WDR49: variants seen among roughly 807,000 people sequenced by gnomAD.
The protein encoded by WDR49 is WD repeat domain 49.
Under a neutral mutation model 119.5 loss-of-function variants are expected in WDR49, and 107 were observed. That is an observed-to-expected ratio of 0.90 (90% CI 0.77 to 1.05). The LOEUF (loss-of-function observed/expected upper bound fraction) is 1.05. Among genes scored for constraint, WDR49 ranks in the 50% least tolerant of loss-of-function variants. WDR49 has a pLI of 0.00. For missense variants in WDR49, 1,240 were observed against 1,220.5 expected (o/e 1.02, Z -0.24); for synonymous variants, 425 against 418.8 (o/e 1.01, Z -0.18).
At chr3:167,556,206 T>C (rs973816545) in intron 9 of WDR49, among the ~76,000 whole-genome samples, 12 of 152,284 alleles carry the variant, frequency 7.9e-5, no homozygotes, top group African/African-American at 2.9e-4. Context: ...CAATAAAAAA[T>C]CATGAAGAAA....
chr3:167,537,908 G>A (rs1298356740), intron 10 of WDR49, among the ~76,000 whole-genome samples: 1 of 152,030 alleles, frequency 6.6e-6, no homozygotes, highest in Non-Finnish European at 1.5e-5. Flanking sequence ...CCACTCTAAA[G>A]GTCTCTTAGT....
At chr3:167,489,260 C>A (rs772037306) in intron 18 of WDR49, among the ~76,000 whole-genome samples, 1 of 152,046 alleles carries the variant, frequency 6.6e-6, no homozygotes, top group Non-Finnish European at 1.5e-5. Flanking sequence ...TATATGAGCA[C>A]ATGAATGAAG....
intron 9 of WDR49, 122 bp downstream of exon 9, chr3:167,559,942 T>TG: frequency 1.0e-6 from 1 of 995,528 alleles, no homozygotes; most frequent in Non-Finnish European, 1.4e-6. Flanking sequence ...ACTCTTACCA[T>TG]GTCTCATTTC....
chr3:167,529,348 GCCCTGAGATCAATT>G (rs1752760568), intron 13 of WDR49, 109 bp from the exon 14 acceptor site: 2 of 955,596 alleles, frequency 2.1e-6, no homozygotes, highest in Admixed American at 6.0e-5. Context: ...GAGGTGAGTA[GCCCTGAGATCAATT>G]CCCAGCACCA....
chr3:167,640,365 T>C (rs1717823740), intron 2 of WDR49, among the ~76,000 whole-genome samples: 1 of 151,878 alleles, frequency 6.6e-6, no homozygotes, highest in Admixed American at 6.6e-5. Context: ...TCCGTTGACA[T>C]TGCCATCTGT....
rs181037714 is a variant in WDR49, at chr3:167,498,330, T to G, written c.3031+1823A>C. Among the ~76,000 whole-genome samples, 886 of 152,218 alleles carry G rather than the reference T, an allele frequency of 5.8e-3. 9 individuals carry two copies. Among genetic ancestry groups the G allele is most frequent in the Middle Eastern group, 0.027 (8 of 294 alleles). ...ATTAACAGGGAATAATATACAAATG[T>G]ATTAATGTACACATATGTATGAAAA... is the stretch of plus-strand genomic sequence containing the variant. On this transcript the variant is annotated intron_variant, in intron 18 of 18. Transcript: ENST00000682715.
chr3:167,505,875 T>A (rs1751750569), intron 16 of WDR49, among the ~76,000 whole-genome samples: 1 of 152,240 alleles, frequency 6.6e-6, no homozygotes, highest in African/African-American at 2.4e-5. Context: ...CTTTCTCATA[T>A]GAATCTATAA....
At chr3:167,540,262 T>C (rs1418007893) in intron 10 of WDR49, among the ~76,000 whole-genome samples, 2 of 152,128 alleles carry the variant, frequency 1.3e-5, no homozygotes, top group African/African-American at 4.8e-5. Flanking sequence ...TAAATATATC[T>C]ACAAGGACTC....
intron 17 of WDR49, among the ~76,000 whole-genome samples, chr3:167,503,877 A>C (rs1751673480): frequency 6.6e-6 from 1 of 152,218 alleles, no homozygotes; most frequent in South Asian, 2.1e-4. Flanking sequence ...CTGGGTTTAT[A>C]TCCCGATGCT....
chr3:167,544,956 T>C (rs1290404306), intron 10 of WDR49, among the ~76,000 whole-genome samples: 2 of 151,802 alleles, frequency 1.3e-5, no homozygotes, highest in African/African-American at 4.8e-5. Flanking sequence ...CAACAAAGAA[T>C]TAATTTCCAG....
chr3:167,608,798 T>G (rs1716185835), intron 5 of WDR49, among the ~76,000 whole-genome samples: 1 of 152,160 alleles, frequency 6.6e-6, no homozygotes, highest in South Asian at 2.1e-4. Flanking sequence ...GTTTTGGAAT[T>G]GGTAGAGGAA....
At chr3:167,514,690 T>C (rs1403112026) in intron 16 of WDR49, among the ~76,000 whole-genome samples, 1 of 145,496 alleles carries the variant, frequency 6.9e-6, no homozygotes, top group African/African-American at 2.6e-5. Context: ...TATCAACAAA[T>C]CCCTAAACTG....
chr3:167,614,100 C>A (rs528427373), intron 5 of WDR49, among the ~76,000 whole-genome samples: 1 of 152,082 alleles, frequency 6.6e-6, no homozygotes, highest in African/African-American at 2.4e-5. Context: ...TCTTGTCCCC[C>A]CTCCTGCGTC....
At chr3:167,605,727 T>A (rs190830824) in intron 5 of WDR49, among the ~76,000 whole-genome samples, 14 of 152,340 alleles carry the variant, frequency 9.2e-5, no homozygotes, top group Admixed American at 5.9e-4. Flanking sequence ...ACAAATCACC[T>A]GTGTGGGAAA....
At chr3:167,541,011 T>A (rs1265756270) in intron 10 of WDR49, among the ~76,000 whole-genome samples, 1 of 151,686 alleles carries the variant, frequency 6.6e-6, no homozygotes, top group Non-Finnish European at 1.5e-5. Context: ...AAAAAATAAT[T>A]TCTAAAAAAA....
At chr3:167,559,684 G>T (rs549090197) in intron 9 of WDR49, among the ~76,000 whole-genome samples, 3 of 152,066 alleles carry the variant, frequency 2.0e-5, no homozygotes, top group Non-Finnish European at 4.4e-5. Flanking sequence ...TTAGTTAAGT[G>T]TTCCTGATTT....
chr3:167,528,994 C>A lies in WDR49; in HGVS notation c.2406+58G>T, dbSNP rs1752744438. On this transcript the variant is annotated intron_variant, in intron 14 of 18. Coordinates refer to ENST00000682715, the MANE Select transcript of WDR49 (RefSeq NM_001366157.1). ...CAGACAAGGCTTGATTCATAGTTAC[C>A]TGCAACAAAGGGTCACCAAAAATCT... 10 of 1,398,738 alleles carry A rather than the reference C, an allele frequency of 7.1e-6. No homozygotes were observed. In the African/African-American group the frequency reaches 1.2e-4, roughly 16 times the overall value. The allele number at this position is 1,398,738 out of a possible 1,614,324, so 86.6% of individuals were successfully genotyped here. A position where few individuals can be genotyped will look rare whatever the true frequency, so the allele number is the denominator to read the frequency against.
intron 16 of WDR49, among the ~76,000 whole-genome samples, chr3:167,515,162 T>C (rs982242056): frequency 6.6e-6 from 1 of 152,024 alleles, no homozygotes; most frequent in African/African-American, 2.4e-5. Context: ...TACCAAAACC[T>C]GGTCAAGACA....
intron 8 of WDR49, among the ~76,000 whole-genome samples, chr3:167,563,215 G>A (rs1253416305): frequency 2.0e-5 from 3 of 152,032 alleles, no homozygotes; most frequent in Admixed American, 2.0e-4. Flanking sequence ...TTAGCCAGGC[G>A]TGGTGGCGGG....
Sources: gnomAD v4.1 joint callset for allele counts (sites outside exome capture counted in the v4.1 genomes callset) on GRCh38, gnomAD v4.1.1 for gene constraint, MANE v1.5 for transcripts, NCBI Gene and HGNC (gene_info 2026-07-23, HGNC 2026-07-21) for gene names.